Variants in PEX5 observed in about 807,000 individuals in gnomAD.
PEX5 encodes PTS1 receptor.
Under a neutral mutation model 82.9 loss-of-function variants are expected in PEX5, and 52 were observed. The observed-to-expected ratio is 0.63, with a 90% CI of 0.50 to 0.79. The LOEUF (loss-of-function observed/expected upper bound fraction) is 0.79, where lower values mean the gene tolerates loss of function less well. Ranked by LOEUF, PEX5 falls within the 30% of genes least tolerant of loss-of-function variation. The pLI is 0.00. For synonymous variants in PEX5, 300 were observed against 318.8 expected (o/e 0.94, Z 0.63); for missense variants, 719 against 815.2 (o/e 0.88, Z 1.44).
intron 9 of PEX5, among the ~76,000 whole-genome samples, 169 bp from the exon 10 acceptor site, chr12:7,203,263 T>C (rs76584870): frequency 6.0e-4 from 58 of 97,384 alleles, no homozygotes; most frequent in African/African-American, 1.8e-3. Flanking sequence ...ACTAAATCAG[T>C]ATCTGGGGAT....
intron 8 of PEX5, 73 bp downstream of exon 8, chr12:7,202,424 G>A (rs1944206602): frequency 1.9e-6 from 3 of 1,567,454 alleles, no homozygotes; most frequent in African/African-American, 2.7e-5. Flanking sequence ...AGTGGTCAGT[G>A]GTCCCAGATG....
chr12:7,216,323 A>G (rs1264580953), downstream of PEX5, among the ~76,000 whole-genome samples: 1 of 152,214 alleles, frequency 6.6e-6, no homozygotes, highest in Non-Finnish European at 1.5e-5. Flanking sequence ...AAATAATGAC[A>G]AAGGTAATAA....
intron 10 of PEX5, among the ~76,000 whole-genome samples, chr12:7,205,942 GAT>G (rs773868437): frequency 1.3e-5 from 2 of 152,196 alleles, no homozygotes; most frequent in African/African-American, 2.4e-5. Context: ...GCTATTTACA[GAT>G]AGTATCTTAA....
intron 2 of PEX5, 174 bp downstream of exon 2, chr12:7,190,698 T>A: frequency 7.0e-7 from 1 of 1,432,256 alleles, no homozygotes; most frequent in Non-Finnish European, 9.7e-7. Context: ...AACTGCTTTC[T>A]CTATTGTGTT....
chr12:7,215,799 T>C (rs1945760306), downstream of PEX5, among the ~76,000 whole-genome samples: 1 of 152,102 alleles, frequency 6.6e-6, no homozygotes, highest in Non-Finnish European at 1.5e-5. Flanking sequence ...CTCTTCTGGG[T>C]GACGGGATCA....
intron 1 of PEX5, 130 bp from the exon 2 acceptor site, chr12:7,190,232 A>G (rs1336917626): frequency 1.3e-6 from 2 of 1,586,762 alleles, no homozygotes; most frequent in Admixed American, 3.4e-5. Context: ...GGTCGCAGCA[A>G]AAGCACTGGG....
In PEX5 at chr12:7,210,575, G is replaced by A. The variant is rs1003877861; in HGVS notation, c.*352G>A. On this transcript the variant is annotated 3_prime_UTR_variant, in exon 16 of 16. Transcript: ENST00000675855. ...ATTTCTGATAGGGTCTACCACATCT[G>A]TAATGTCTGTCCTTTCCCCCACTTT... The A allele has an allele frequency of 5.0e-6, 2 of 400,356 alleles. No homozygotes were observed. Among genetic ancestry groups the A allele is most frequent in the Non-Finnish European group, 9.5e-6 (2 of 210,900 alleles). The allele number at this position is 400,356 out of a possible 1,614,324, so 24.8% of individuals were successfully genotyped here.
intron 14 of PEX5, 96 bp downstream of exon 14, chr12:7,209,266 T>A: frequency 8.0e-7 from 1 of 1,244,146 alleles, no homozygotes; most frequent in Middle Eastern, 2.6e-4. Context: ...ATGCCTGTAG[T>A]CCCAGCTACT....
At chr12:7,199,518 G>A (rs1943354999) in intron 6 of PEX5, among the ~76,000 whole-genome samples, 1 of 151,188 alleles carries the variant, frequency 6.6e-6, no homozygotes, top group Admixed American at 6.6e-5. Context: ...CACAGGGTTG[G>A]GGGTAAGGTC....
At chr12:7,207,971 G>A (rs772199278) in intron 11 of PEX5, 39 bp from the exon 12 acceptor site, 1 of 1,571,852 alleles carries the variant, frequency 6.4e-7, no homozygotes, top group South Asian at 1.1e-5. Flanking sequence ...GAATGGAGAG[G>A]TGAATATGGG....
At chr12:7,189,629 C>T (rs1167810910), upstream of PEX5, 1 of 313,502 alleles carries the variant, frequency 3.2e-6, no homozygotes, top group Non-Finnish European at 5.8e-6. Flanking sequence ...GCCTGGGCCG[C>T]TGCGGGGCGG....
rs922342606 is a variant in PEX5, at chr12:7,211,431, A to C, written c.*1208A>C. ...ATGAATATGTGTAAATGATTTAAAA[A>C]TAAAACTGTAAAATATTTGTACGAA... On this transcript the variant is annotated 3_prime_UTR_variant, in exon 16 of 16. Transcript: ENST00000675855. 1 of 152,266 alleles carries C rather than the reference A, an allele frequency of 6.6e-6. No individual in the cohort carries two copies. Among genetic ancestry groups the C allele is most frequent in the African/African-American group, 2.4e-5 (1 of 41,470 alleles). 9.4% of individuals were successfully genotyped at this position (152,266 alleles called of 1,614,324 possible).
downstream of PEX5, among the ~76,000 whole-genome samples, chr12:7,213,065 G>A (rs1009071950): frequency 1.3e-5 from 2 of 151,930 alleles, no homozygotes; most frequent in Admixed American, 1.3e-4. Context: ...CAGTGCTCAA[G>A]GAAATAAAAG....
At chr12:7,204,949 G>A (rs1232008475) in intron 10 of PEX5, among the ~76,000 whole-genome samples, 1 of 152,040 alleles carries the variant, frequency 6.6e-6, no homozygotes, top group Non-Finnish European at 1.5e-5. Context: ...TCGATAAATG[G>A]TATTGGAGAA....
At chr12:7,215,543 T>C (rs1313756252), downstream of PEX5, among the ~76,000 whole-genome samples, 1 of 152,176 alleles carries the variant, frequency 6.6e-6, no homozygotes, top group South Asian at 2.1e-4. Context: ...ATATGCAATA[T>C]AGAATACTAT....
In PEX5 at chr12:7,190,945, C is replaced by T. The variant is rs754091664; in HGVS notation, c.183+22C>T. ...TGAGGTAAATAGACCAGTCTCTTTT[C>T]TGTCCCATTTTTCTCTTGCCCACTG... is the stretch of plus-strand genomic sequence containing the variant. On this transcript the variant is annotated intron_variant, in intron 3 of 15. Transcript: ENST00000675855. The T allele has an allele frequency of 5.6e-6, 9 of 1,608,090 alleles. No homozygotes were observed. The South Asian group carries it at 9.9e-5, about 18-fold the overall frequency.
chr12:7,211,968 TG>T (rs1190666929), downstream of PEX5, among the ~76,000 whole-genome samples: 1,522 of 95,966 alleles, frequency 0.016, 17 homozygotes, highest in African/African-American at 0.053. Flanking sequence ...TTTTTTTTTT[TG>T]TTTTTTTTTT....
Position 7,191,270 on chromosome 12 carries a change from C to T in PEX5, c.228C>T (p.Ser76=), listed in dbSNP as rs968979207. The T allele has an allele frequency of 6.2e-7, 1 of 1,614,008 alleles. No homozygotes were observed. Among genetic ancestry groups the T allele is most frequent in the African/African-American group, 1.3e-5 (1 of 74,904 alleles). ...AGGACCAGAATGCACCCCTTGTGTC[C>T]CGTGCCCCTCAGACCTTCAAGATGG... ...FLQDQNAPLV[S]RAPQTFKMDD... Residue 76 remains serine (S), a synonymous_variant, in exon 4 of 16, where the codon TCC becomes TCT. Coordinates refer to ENST00000675855, the MANE Select transcript of PEX5 (RefSeq NM_001351132.2).
At position 7,197,535 on chromosome 12, in the gene PEX5, G is replaced by GTAATAATTATATGTTATATATAATGTAA. The variant is rs71067163; in HGVS notation, c.449-1472_449-1471insAATTATATGTTATATATAATGTAATAAT. 4.3e-5 allele frequency among the ~76,000 whole-genome samples: 5 copies of GTAATAATTATATGTTATATATAATGTAA among 116,530 alleles called. 1 individual carries two copies. The highest frequency in any genetic ancestry group is 9.7e-5 in the African/African-American group (3 of 31,062). 76.4% of individuals were successfully genotyped at this position (116,530 alleles called of 152,430 possible). A position where few individuals can be genotyped will look rare whatever the true frequency, so the allele number is the denominator to read the frequency against. On this transcript the variant is annotated intron_variant, in intron 5 of 15. Transcript: ENST00000675855. ...GTAATAATTATATGTTATATATAAT[G>GTAATAATTATATGTTATATATAATGTAA]TAATTATATATGTTATATATAATAT... is the stretch of plus-strand genomic sequence containing the variant.
Sources: allele counts gnomAD v4.1 joint callset (sites outside exome capture counted in the v4.1 genomes callset), GRCh38; gene constraint gnomAD v4.1.1; transcripts MANE v1.5; gene names NCBI Gene and HGNC (gene_info 2026-07-23, HGNC 2026-07-21).